The following MAD1L1 variants were observed in gnomAD, a reference collection of about 807,000 sequenced individuals.
The protein encoded by MAD1L1 is mitotic spindle assembly checkpoint protein MAD1.
In MAD1L1, 95 loss-of-function variants were observed where a neutral mutation model predicts 96.9. That is an observed-to-expected ratio of 0.98 (90% CI 0.83 to 1.16). The LOEUF (loss-of-function observed/expected upper bound fraction) is 1.16. Among genes scored for constraint, MAD1L1 ranks in the 50% most tolerant of loss-of-function variants. The probability of loss-of-function intolerance (pLI) is 0.00; values close to 1 mark genes in which losing one functional copy is unlikely to be tolerated. For missense variants in MAD1L1, 1,007 were observed against 954.4 expected (o/e 1.06, Z -0.73); for synonymous variants, 473 against 396.6 (o/e 1.19, Z -2.29).
chr7:2,155,706 G>A (rs1195575844), intron 10 of MAD1L1, among the ~76,000 whole-genome samples: 1 of 152,192 alleles, frequency 6.6e-6, no homozygotes. Context: ...CTCACCCGTC[G>A]GTGGACACCT....
intron 12 of MAD1L1, among the ~76,000 whole-genome samples, chr7:2,060,266 CGCCG>C: frequency 6.8e-6 from 1 of 147,052 alleles, no homozygotes; most frequent in African/African-American, 2.5e-5. Context: ...TGCCGAGATA[CGCCG>C]ATGCCGAGAT....
At chr7:1,944,456 G>A (rs545460564) in intron 16 of MAD1L1, among the ~76,000 whole-genome samples, 3 of 152,164 alleles carry the variant, frequency 2.0e-5, no homozygotes, top group Non-Finnish European at 2.9e-5. Context: ...CAGAGCCTGC[G>A]GGGCTGAAAC....
chr7:1,893,802 C>A (rs555699331), intron 18 of MAD1L1, among the ~76,000 whole-genome samples: 17 of 152,350 alleles, frequency 1.1e-4, no homozygotes, highest in African/African-American at 3.8e-4. Context: ...ACACCAGGGT[C>A]AGGAGCTGCC....
intron 11 of MAD1L1, among the ~76,000 whole-genome samples, chr7:2,077,040 C>T (rs1181014141): frequency 2.1e-5 from 3 of 144,126 alleles, no homozygotes. Flanking sequence ...GACAGAGTTA[C>T]GACTTGGTGA....
chr7:1,956,590 C>CA (rs1408946779), intron 16 of MAD1L1, among the ~76,000 whole-genome samples: 2 of 152,236 alleles, frequency 1.3e-5, no homozygotes, highest in Non-Finnish European at 2.9e-5. Context: ...GCAGAGCCCC[C>CA]ACCCCTCCAA....
intron 16 of MAD1L1, among the ~76,000 whole-genome samples, chr7:1,955,823 A>G (rs947883322): frequency 1.3e-5 from 2 of 152,178 alleles, no homozygotes; most frequent in Admixed American, 1.3e-4. Flanking sequence ...CCCACAATGC[A>G]CTGCAATCCT....
rs115495784 is a variant in MAD1L1, at chr7:2,222,495, G to A, written c.471+80C>T. The A allele has an allele frequency of 2.0e-3, 2,494 of 1,278,948 alleles. 37 individuals are homozygous for A. In the African/African-American group the frequency reaches 0.031, roughly 16 times the overall value. The allele number at this position is 1,278,948 out of a possible 1,614,324, so 79.2% of individuals were successfully genotyped here. A position where few individuals can be genotyped will look rare whatever the true frequency, so the allele number is the denominator to read the frequency against. On this transcript the variant is annotated intron_variant, in intron 5 of 18. Coordinates refer to ENST00000265854, the MANE Select transcript of MAD1L1 (RefSeq NM_001013836.2). ...GGGAAGCACAAGTGAAAACACAAGC[G>A]GGCACTGCAGTGGCAAACAAGAGCA... is the stretch of plus-strand genomic sequence containing the variant.
intron 17 of MAD1L1, among the ~76,000 whole-genome samples, chr7:1,934,636 C>T (rs943798882): frequency 2.0e-5 from 3 of 149,380 alleles, no homozygotes; most frequent in Non-Finnish European, 4.5e-5. Context: ...CGGGCGAACC[C>T]GAGACAGGCA....
intron 15 of MAD1L1, among the ~76,000 whole-genome samples, chr7:1,976,490 C>T (rs75050820): frequency 0.034 from 5,163 of 152,262 alleles, 190 homozygotes; most frequent in East Asian, 0.088. Context: ...AGGAGTGAAG[C>T]TGCAGACCTT....
intron 15 of MAD1L1, among the ~76,000 whole-genome samples, chr7:1,978,376 C>A (rs1460567807): frequency 3.3e-5 from 5 of 152,236 alleles, no homozygotes; most frequent in Non-Finnish European, 7.3e-5. Context: ...ATATTTTGCT[C>A]ATCTCTGCAA....
chr7:1,828,816 C>T (rs893390153), intron 18 of MAD1L1, among the ~76,000 whole-genome samples: 19 of 152,234 alleles, frequency 1.2e-4, no homozygotes, highest in African/African-American at 3.6e-4. Flanking sequence ...ACGTCAGAAG[C>T]GGCAGATCAC....
At chr7:1,872,429 C>T (rs373132002) in intron 18 of MAD1L1, among the ~76,000 whole-genome samples, 1 of 152,218 alleles carries the variant, frequency 6.6e-6, no homozygotes, top group Non-Finnish European at 1.5e-5. Context: ...GCGGCTTCCC[C>T]GTCTGTCTCT....
intron 17 of MAD1L1, among the ~76,000 whole-genome samples, chr7:1,905,280 C>T (rs1246155512): frequency 2.3e-5 from 2 of 85,740 alleles, no homozygotes; most frequent in East Asian, 3.6e-4. Flanking sequence ...TCTTGCGGAA[C>T]TCATGATTGA....
chr7:1,921,608 C>T (rs764276470), intron 17 of MAD1L1, among the ~76,000 whole-genome samples: 17 of 152,082 alleles, frequency 1.1e-4, no homozygotes, highest in African/African-American at 1.7e-4. Context: ...CATGAGCCAC[C>T]GCGCCTGGCC....
chr7:2,136,862 G>T (rs959650123), intron 11 of MAD1L1, among the ~76,000 whole-genome samples: 3 of 152,226 alleles, frequency 2.0e-5, no homozygotes, highest in African/African-American at 7.2e-5. Flanking sequence ...GCAGTGGCCA[G>T]CTTCAAGGCT....
chr7:2,172,894 C>G (rs942754708), intron 10 of MAD1L1, among the ~76,000 whole-genome samples: 4 of 152,228 alleles, frequency 2.6e-5, no homozygotes, highest in Non-Finnish European at 5.9e-5. Flanking sequence ...AGCGTGCACA[C>G]CGCGGTCTGT....
intron 13 of MAD1L1, among the ~76,000 whole-genome samples, chr7:2,006,445 C>T (rs1476174831): frequency 6.6e-6 from 1 of 152,032 alleles, no homozygotes; most frequent in East Asian, 1.9e-4. Flanking sequence ...GTCCCAGCAC[C>T]GAGGAGCATT....
rs535295798 is a variant in MAD1L1 at position 1,896,965 on chromosome 7, T to C, written c.1998+1235A>G. 2.0e-5 allele frequency among the ~76,000 whole-genome samples: 3 copies of C among 152,382 alleles called. 1 individual carries two copies. Among genetic ancestry groups the C allele is most frequent in the South Asian group, 4.1e-4 (2 of 4,834 alleles). ...ACAGAATTATACAAAAGCGAAGAAG[T>C]ACATTTCTGATAGCTTAAAGACTTG... On this transcript the variant is annotated intron_variant, in intron 18 of 18. Transcript: ENST00000265854.
intron 10 of MAD1L1, among the ~76,000 whole-genome samples, chr7:2,194,071 G>C (rs1289016340): frequency 6.6e-6 from 1 of 151,022 alleles, no homozygotes; most frequent in African/African-American, 2.4e-5. Flanking sequence ...GGCCTCTCGA[G>C]TTGTTGGGAC....
Sources: allele counts gnomAD v4.1 joint callset (sites outside exome capture counted in the v4.1 genomes callset), GRCh38; gene constraint gnomAD v4.1.1; transcripts MANE v1.5; gene names NCBI Gene and HGNC (gene_info 2026-07-23, HGNC 2026-07-21).